Variants in GALNT1 observed in about 807,000 individuals in gnomAD.
GALNT1 encodes polypeptide N-acetylgalactosaminyltransferase 1.
In GALNT1, 17 loss-of-function variants were observed where a neutral mutation model predicts 65.7. That is an observed-to-expected ratio of 0.26 (90% CI 0.18 to 0.39). GALNT1 has a LOEUF of 0.39. Ranked by LOEUF, GALNT1 falls within the 10% of genes least tolerant of loss-of-function variation. The pLI, the probability that GALNT1 is intolerant of heterozygous loss-of-function variation, is 1.00. For missense variants in GALNT1, 460 were observed against 672.8 expected (o/e 0.68, Z 3.50); for synonymous variants, 210 against 219.7 (o/e 0.96, Z 0.39).
At chr18:35,693,238 G>A (rs2144672917) in intron 9 of GALNT1, among the ~76,000 whole-genome samples, 1 of 152,258 alleles carries the variant, frequency 6.6e-6, no homozygotes, top group South Asian at 2.1e-4. Flanking sequence ...GAGTTTTTAG[G>A]GAAAGAGTAT....
chr18:35,674,938 A>C (rs1010982424), intron 3 of GALNT1, among the ~76,000 whole-genome samples: 5 of 137,808 alleles, frequency 3.6e-5, no homozygotes, highest in Non-Finnish European at 1.5e-5. Context: ...AGCTGAGATC[A>C]CGCCACTGCA....
intron 3 of GALNT1, among the ~76,000 whole-genome samples, chr18:35,676,828 C>T (rs546115241): frequency 6.6e-6 from 1 of 152,126 alleles, no homozygotes; most frequent in Non-Finnish European, 1.5e-5. Flanking sequence ...ATCTAGCTAA[C>T]AAGGTTGAAA....
rs993247138 is a variant in GALNT1 at position 35,711,680 on chromosome 18, T to C, written c.*1910T>C. ...GTCTTATTTCTTACTGTATGAAAGC[T>C]TAACAGCAATGTGATTTAAGGTTTT... On this transcript the variant is annotated 3_prime_UTR_variant, in exon 12 of 12. Transcript: ENST00000269195. 7.9e-5 allele frequency: 12 copies of C among 152,238 alleles called. No individual in the cohort carries two copies. The highest frequency in any genetic ancestry group is 1.6e-4 in the Non-Finnish European group (11 of 68,044). The allele number at this position is 152,238 out of a possible 1,614,324, so 9.4% of individuals were successfully genotyped here.
At chr18:35,657,293 C>T (rs1263637633) in intron 2 of GALNT1, among the ~76,000 whole-genome samples, 1 of 152,096 alleles carries the variant, frequency 6.6e-6, no homozygotes, top group African/African-American at 2.4e-5. Flanking sequence ...TGGGGTTTCA[C>T]CATGTTGCCA....
intron 1 of GALNT1, among the ~76,000 whole-genome samples, chr18:35,590,227 G>C (rs1205056902): frequency 9.9e-5 from 15 of 152,192 alleles, no homozygotes; most frequent in Admixed American, 9.8e-4. Context: ...GTGCATCTCT[G>C]ATTTCAAGTG....
chr18:35,663,068 T>A (rs973778980), intron 2 of GALNT1, among the ~76,000 whole-genome samples: 1 of 152,140 alleles, frequency 6.6e-6, no homozygotes, highest in African/African-American at 2.4e-5. Context: ...TCAGAAAAGC[T>A]ACAGGGAAGA....
chr18:35,643,498 T>C (rs1034552476), intron 1 of GALNT1, among the ~76,000 whole-genome samples: 4 of 152,164 alleles, frequency 2.6e-5, no homozygotes, highest in Non-Finnish European at 5.9e-5. Context: ...GCACGGTGGC[T>C]CACGCCTGTA....
At chr18:35,636,808 T>TTC (rs1491516853) in intron 1 of GALNT1, among the ~76,000 whole-genome samples, 4 of 134,660 alleles carry the variant, frequency 3.0e-5, no homozygotes, top group Non-Finnish European at 6.2e-5. Flanking sequence ...TTTTTTTTTT[T>TTC]CAACAAATGG....
At chr18:35,630,267 A>T (rs1456703997) in intron 1 of GALNT1, among the ~76,000 whole-genome samples, 1 of 152,178 alleles carries the variant, frequency 6.6e-6, no homozygotes, top group Non-Finnish European at 1.5e-5. Context: ...TCAGCACCAC[A>T]CCGCAGTTAC....
At chr18:35,613,208 T>A (rs755794654) in intron 1 of GALNT1, among the ~76,000 whole-genome samples, 14 of 152,226 alleles carry the variant, frequency 9.2e-5, no homozygotes, top group Non-Finnish European at 1.6e-4. Context: ...TACTGATACG[T>A]ACTGAGTGCC....
intron 1 of GALNT1, among the ~76,000 whole-genome samples, chr18:35,632,961 CA>C (rs1206453498): frequency 1.3e-5 from 2 of 152,134 alleles, no homozygotes; most frequent in Non-Finnish European, 2.9e-5. Context: ...CATCACTGGC[CA>C]TCAGAGAAAT....
chr18:35,659,731 A>G (rs1041576015), intron 2 of GALNT1: 6 of 152,240 alleles, frequency 3.9e-5, no homozygotes, highest in Non-Finnish European at 8.8e-5. Context: ...ACTGTTGAAC[A>G]TTAGGAAGCC....
At chr18:35,606,838 T>A (rs796346569) in intron 1 of GALNT1, among the ~76,000 whole-genome samples, 10,328 of 119,948 alleles carry the variant, frequency 0.086, 483 homozygotes, top group South Asian at 0.16. Flanking sequence ...TGTGTGTGTG[T>A]GTGTGTGTGT....
intron 3 of GALNT1, among the ~76,000 whole-genome samples, chr18:35,675,841 C>G (rs2047703588): frequency 6.6e-6 from 1 of 152,116 alleles, no homozygotes; most frequent in South Asian, 2.1e-4. Flanking sequence ...GGAAGAAACT[C>G]TTTTTCTGAC....
intron 9 of GALNT1, among the ~76,000 whole-genome samples, chr18:35,701,962 C>T (rs1568036953): frequency 6.6e-6 from 1 of 152,184 alleles, no homozygotes; most frequent in Non-Finnish European, 1.5e-5. Context: ...TACATAGCAT[C>T]AGCACAGAAC....
rs75671624 is a variant in GALNT1, at chr18:35,707,215, C to A, written c.1534-2409C>A. Among the ~76,000 whole-genome samples, 1,279 of 152,242 alleles carry A rather than the reference C, an allele frequency of 8.4e-3. 21 individuals carry two copies. The highest frequency in any genetic ancestry group is 0.046 in the East Asian group (236 of 5,186). On this transcript the variant is annotated intron_variant, in intron 11 of 11. Coordinates refer to ENST00000269195, the MANE Select transcript of GALNT1 (RefSeq NM_020474.4). ...CTGGAATAAAATGCAGATTTTAGACCTAGTTACATCTAGAAATTAGGAGTA... is the reference window on the plus strand; with the variant it reads ...CTGGAATAAAATGCAGATTTTAGACATAGTTACATCTAGAAATTAGGAGTA...
At chr18:35,605,738 CA>C (rs1469216056) in intron 1 of GALNT1, among the ~76,000 whole-genome samples, 1 of 151,992 alleles carries the variant, frequency 6.6e-6, no homozygotes, top group African/African-American at 2.4e-5. Context: ...TAATTATCAA[CA>C]TTTTGATAGC....
chr18:35,661,715 T>A (rs2047480233), intron 2 of GALNT1, among the ~76,000 whole-genome samples: 1 of 152,164 alleles, frequency 6.6e-6, no homozygotes, highest in South Asian at 2.1e-4. Context: ...GCATGCCATG[T>A]CCCTTTGTCC....
At chr18:35,613,668 C>T (rs2046747062) in intron 1 of GALNT1, among the ~76,000 whole-genome samples, 1 of 152,082 alleles carries the variant, frequency 6.6e-6, no homozygotes, top group Non-Finnish European at 1.5e-5. Flanking sequence ...GCTGAAGCTC[C>T]CTGAAAGCTG....
Sources: allele counts gnomAD v4.1 joint callset (sites outside exome capture counted in the v4.1 genomes callset), GRCh38; gene constraint gnomAD v4.1.1; transcripts MANE v1.5; gene names NCBI Gene and HGNC (gene_info 2026-07-23, HGNC 2026-07-21).